Variants in PIK3C3 observed in about 807,000 individuals in gnomAD.
The protein encoded by PIK3C3 is phosphatidylinositol 3-kinase catalytic subunit type 3.
PIK3C3 carries 95 observed loss-of-function variants against 126.1 expected under a neutral mutation model. The observed-to-expected ratio is 0.75, with a 90% CI of 0.64 to 0.89. The LOEUF (loss-of-function observed/expected upper bound fraction) is 0.89. PIK3C3 is among the 40% of genes least tolerant of loss of function. The pLI, the probability that PIK3C3 is intolerant of heterozygous loss-of-function variation, is 0.00. For synonymous variants in PIK3C3, 374 were observed against 360.0 expected (o/e 1.04, Z -0.44); for missense variants, 829 against 1,063.2 (o/e 0.78, Z 3.06).
intron 13 of PIK3C3, among the ~76,000 whole-genome samples, chr18:42,021,497 C>T (rs574064439): frequency 2.6e-5 from 4 of 152,128 alleles, no homozygotes; most frequent in African/African-American, 7.2e-5. Flanking sequence ...TCTAACTTTA[C>T]GGAGCAAACA....
At position 42,083,452 on chromosome 18, in the gene PIK3C3, G is replaced by C. The variant is rs891004622; in HGVS notation, c.*2315G>C. On this transcript the variant is annotated 3_prime_UTR_variant, in exon 25 of 25. Transcript: ENST00000262039. ...AGAGAGAATGTAGATGGCAGTTATTGAGAGTGGGGCTATAGGACAAAAAGA... is the reference window on the plus strand; with the variant it reads ...AGAGAGAATGTAGATGGCAGTTATTCAGAGTGGGGCTATAGGACAAAAAGA... 6 of 152,148 alleles carry C rather than the reference G, an allele frequency of 3.9e-5. No homozygotes were observed. Among genetic ancestry groups the C allele is most frequent in the Admixed American group, 2.6e-4 (4 of 15,280 alleles). The allele number at this position is 152,148 out of a possible 1,614,324, so 9.4% of individuals were successfully genotyped here. A position where few individuals can be genotyped will look rare whatever the true frequency, so the allele number is the denominator to read the frequency against.
intron 14 of PIK3C3, among the ~76,000 whole-genome samples, chr18:42,028,104 A>C (rs190131767): frequency 4.2e-4 from 64 of 152,334 alleles, no homozygotes; most frequent in African/African-American, 1.5e-3. Flanking sequence ...TTTTGTACTC[A>C]ATAGGAGTTT....
At position 42,087,251 on chromosome 18, in the gene PIK3C3, A is replaced by G. The variant is rs1368476393; in HGVS notation, c.*6114A>G. 2 of 152,292 alleles carry G rather than the reference A, an allele frequency of 1.3e-5. No homozygotes were observed. Among genetic ancestry groups the G allele is most frequent in the African/African-American group, 2.4e-5 (1 of 41,462 alleles). 9.4% of individuals were successfully genotyped at this position (152,292 alleles called of 1,614,324 possible). ...ACACCGTGGCTTTAAGGCATGGCCC[A>G]TGATGTGTCTCCGAGTGGAAAAGAC... On this transcript the variant is annotated 3_prime_UTR_variant, in exon 25 of 25. Transcript: ENST00000262039.
intron 16 of PIK3C3, among the ~76,000 whole-genome samples, chr18:42,034,677 A>G (rs1267386342): frequency 6.6e-6 from 1 of 152,216 alleles, no homozygotes; most frequent in South Asian, 2.1e-4. Context: ...ATCATGCTCA[A>G]AGGACCAAAG....
intron 10 of PIK3C3, among the ~76,000 whole-genome samples, chr18:42,012,238 A>G (rs1328370980): frequency 6.6e-6 from 1 of 151,898 alleles, no homozygotes; most frequent in African/African-American, 2.4e-5. Context: ...AGTTATGCCT[A>G]TAGTATTAAA....
intron 17 of PIK3C3, among the ~76,000 whole-genome samples, chr18:42,038,120 C>G (rs1437372065): frequency 6.6e-6 from 1 of 151,548 alleles, no homozygotes; most frequent in Non-Finnish European, 1.5e-5. Flanking sequence ...TTTTTAAATC[C>G]TTTTAATCCC....
chr18:42,045,496 C>T (rs909699014), intron 20 of PIK3C3, among the ~76,000 whole-genome samples: 3 of 152,168 alleles, frequency 2.0e-5, no homozygotes, highest in Non-Finnish European at 4.4e-5. Context: ...CTTAGCTAGG[C>T]TTATTGTGAA....
chr18:42,043,642 T>C (rs1426297078), intron 19 of PIK3C3, 91 bp from the exon 20 acceptor site: 12 of 779,954 alleles, frequency 1.5e-5, no homozygotes, highest in Non-Finnish European at 2.0e-5. Flanking sequence ...AGCTTTATGC[T>C]AGACACTTGC....
intron 4 of PIK3C3, among the ~76,000 whole-genome samples, chr18:41,977,638 C>T (rs1980992901): frequency 6.6e-6 from 1 of 151,994 alleles, no homozygotes. Flanking sequence ...CAGGTGCGTG[C>T]CGCCATGCCC....
At chr18:42,072,192 T>G (rs2144527648) in intron 24 of PIK3C3, among the ~76,000 whole-genome samples, 1 of 152,326 alleles carries the variant, frequency 6.6e-6, no homozygotes, top group Non-Finnish European at 1.5e-5. Context: ...TTAATCGATT[T>G]ATGGTAATTT....
intron 19 of PIK3C3, among the ~76,000 whole-genome samples, chr18:42,043,045 C>T (rs1984395026): frequency 6.6e-6 from 1 of 151,564 alleles, no homozygotes; most frequent in African/African-American, 2.4e-5. Context: ...ATTCCAGATG[C>T]AAATCCTTTG....
intron 12 of PIK3C3, among the ~76,000 whole-genome samples, chr18:42,018,086 ATTG>A (rs1211643378): frequency 2.7e-5 from 4 of 150,806 alleles, no homozygotes; most frequent in African/African-American, 9.7e-5. Context: ...TGATAATATT[ATTG>A]TTATTATTGT....
chr18:42,039,504 G>C (rs942755863), intron 18 of PIK3C3, among the ~76,000 whole-genome samples: 1 of 152,160 alleles, frequency 6.6e-6, no homozygotes, highest in African/African-American at 2.4e-5. Context: ...GACACACCCT[G>C]TGTCTATCTT....
chr18:42,038,942 A>C, intron 18 of PIK3C3, 92 bp downstream of exon 18: 1 of 751,426 alleles, frequency 1.3e-6, no homozygotes, highest in Admixed American at 2.8e-5. Flanking sequence ...AGAGATACAA[A>C]TAAATTCCAT....
intron 3 of PIK3C3, among the ~76,000 whole-genome samples, chr18:41,968,077 A>G (rs1452034187): frequency 1.3e-5 from 2 of 152,248 alleles, no homozygotes; most frequent in Non-Finnish European, 2.9e-5. Context: ...GTCACTTGGC[A>G]TCACCCATAC....
rs573698755 is a variant in PIK3C3, at chr18:41,979,283, T to G, written c.532-8529T>G. Among the ~76,000 whole-genome samples the G allele has an allele frequency of 3.9e-5, 6 of 152,258 alleles. No homozygotes were observed. In the East Asian group the frequency reaches 9.7e-4, roughly 25 times the overall value. ...TTCTGGAAGTCTAAAATTTTGGTAG[T>G]TGTAAGGCAGAGATTGCCTTTGTGA... On this transcript the variant is annotated intron_variant, in intron 4 of 24. Transcript: ENST00000262039.
chr18:42,062,069 A>T (rs1283705463), intron 22 of PIK3C3, among the ~76,000 whole-genome samples: 1 of 152,136 alleles, frequency 6.6e-6, no homozygotes, highest in Non-Finnish European at 1.5e-5. Flanking sequence ...GGTGAATCTA[A>T]TGGGCAGCCA....
intron 19 of PIK3C3, 118 bp downstream of exon 19, chr18:42,040,859 T>C: frequency 1.5e-6 from 1 of 679,204 alleles, no homozygotes. Context: ...TTTCTTCAAG[T>C]TTTTTTTCTT....
At chr18:42,046,915 G>A (rs1313389466) in intron 20 of PIK3C3, among the ~76,000 whole-genome samples, 5 of 152,098 alleles carry the variant, frequency 3.3e-5, no homozygotes, top group African/African-American at 7.2e-5. Context: ...ACCATCCAAC[G>A]TATTTATGAC....
Sources: gnomAD v4.1 joint callset for allele counts (sites outside exome capture counted in the v4.1 genomes callset) on GRCh38, gnomAD v4.1.1 for gene constraint, MANE v1.5 for transcripts, NCBI Gene and HGNC (gene_info 2026-07-23, HGNC 2026-07-21) for gene names.